The following PTPRR variants were observed in gnomAD, a reference collection of about 807,000 sequenced individuals.
The protein encoded by PTPRR is protein tyrosine phosphatase receptor type R.
In PTPRR, 38 loss-of-function variants were observed where a neutral mutation model predicts 77.2. The ratio of observed to expected loss-of-function variants is 0.49; its 90% CI spans 0.38 to 0.65. The LOEUF (loss-of-function observed/expected upper bound fraction) is 0.65, where lower values mean the gene tolerates loss of function less well. Among genes scored for constraint, PTPRR ranks in the 30% least tolerant of loss-of-function variants. The pLI, the probability that PTPRR is intolerant of heterozygous loss-of-function variation, is 0.00. For synonymous variants in PTPRR, 299 were observed against 283.1 expected (o/e 1.06, Z -0.57); for missense variants, 744 against 799.2 (o/e 0.93, Z 0.83).
intron 8 of PTPRR, among the ~76,000 whole-genome samples, chr12:70,690,634 T>C (rs1888023437): frequency 6.6e-6 from 1 of 152,204 alleles, no homozygotes. Flanking sequence ...ACACATGGCC[T>C]GGACAGAAGT....
intron 5 of PTPRR, among the ~76,000 whole-genome samples, chr12:70,748,317 T>G (rs1212827730): frequency 6.6e-6 from 1 of 152,188 alleles, no homozygotes; most frequent in East Asian, 1.9e-4. Context: ...CTCATGTCCT[T>G]CTTTGAAACC....
chr12:70,897,873 G>A (rs1893459342), intron 1 of PTPRR, among the ~76,000 whole-genome samples: 2 of 151,220 alleles, frequency 1.3e-5, no homozygotes, highest in Admixed American at 1.3e-4. Context: ...GATGAAGCTG[G>A]AAATCATTCT....
Position 70,653,710 on chromosome 12 carries a change from T to G in PTPRR, c.1880+2994A>C, listed in dbSNP as rs4354733. ...TATCATCTTTTCATCCTTACAATAA[T>G]AATAGGAAATATATACTACTATTAC... On this transcript the variant is annotated intron_variant, in intron 13 of 13. Transcript: ENST00000283228. 2.0e-3 allele frequency among the ~76,000 whole-genome samples: 304 copies of G among 152,238 alleles called. 4 individuals carry two copies. Among genetic ancestry groups the G allele is most frequent in the African/African-American group, 6.9e-3 (287 of 41,546 alleles).
intron 6 of PTPRR, among the ~76,000 whole-genome samples, chr12:70,705,670 A>G (rs1440528198): frequency 6.6e-6 from 1 of 152,080 alleles, no homozygotes; most frequent in Non-Finnish European, 1.5e-5. Flanking sequence ...GATTTTAAAG[A>G]TTATAAGAAG....
chr12:70,713,941 C>T (rs1309153319), intron 6 of PTPRR, among the ~76,000 whole-genome samples: 2 of 152,026 alleles, frequency 1.3e-5, no homozygotes, highest in African/African-American at 2.4e-5. Context: ...TTTCTCTGAG[C>T]GTGTTTTGGA....
At chr12:70,859,264 G>A (rs1394084816) in intron 2 of PTPRR, among the ~76,000 whole-genome samples, 1 of 152,044 alleles carries the variant, frequency 6.6e-6, no homozygotes, top group Non-Finnish European at 1.5e-5. Context: ...AATCAGTAGA[G>A]TAGCTTTAAA....
At chr12:70,672,032 G>A in intron 10 of PTPRR, 1 of 1,324,640 alleles carries the variant, frequency 7.5e-7, no homozygotes, top group Non-Finnish European at 1.1e-6. Flanking sequence ...CCACCTGGTG[G>A]GGCCTCACTT....
intron 1 of PTPRR, among the ~76,000 whole-genome samples, chr12:70,895,925 T>C (rs1893419945): frequency 6.6e-6 from 1 of 151,704 alleles, no homozygotes; most frequent in South Asian, 2.1e-4. Flanking sequence ...CCAACAATCA[T>C]AGCTCTTTTC....
Position 70,803,374 on chromosome 12 carries a change from T to C in PTPRR, c.358-38596A>G, listed in dbSNP as rs557277732. On this transcript the variant is annotated intron_variant, in intron 2 of 13. Coordinates refer to ENST00000283228, the MANE Select transcript of PTPRR (RefSeq NM_002849.4). ...AGGGCAATCACCAAAAGAAGCACTC[T>C]TTGGGTTTGTCAATACCAAGTCAAT... Among the ~76,000 whole-genome samples the C allele has an allele frequency of 3.3e-5, 5 of 152,288 alleles. No homozygotes were observed. In the South Asian group the frequency reaches 1.0e-3, roughly 32 times the overall value.
chr12:70,688,780 A>C (rs1592675044), intron 8 of PTPRR, among the ~76,000 whole-genome samples: 1 of 152,182 alleles, frequency 6.6e-6, no homozygotes, highest in African/African-American at 2.4e-5. Context: ...AGGTTTGAAA[A>C]CAACTGGAGT....
intron 2 of PTPRR, among the ~76,000 whole-genome samples, chr12:70,812,303 A>G (rs1230768319): frequency 6.6e-6 from 1 of 152,176 alleles, no homozygotes; most frequent in African/African-American, 2.4e-5. Flanking sequence ...TGAATCATTA[A>G]CATGGGCAGC....
At chr12:70,885,916 A>C (rs1185735434) in intron 2 of PTPRR, among the ~76,000 whole-genome samples, 3 of 152,182 alleles carry the variant, frequency 2.0e-5, no homozygotes, top group African/African-American at 7.2e-5. Flanking sequence ...AATTTTTGGA[A>C]TTAGAACAAA....
At chr12:70,898,708 A>G (rs1893479090) in intron 1 of PTPRR, among the ~76,000 whole-genome samples, 1 of 151,148 alleles carries the variant, frequency 6.6e-6, no homozygotes, top group South Asian at 2.1e-4. Flanking sequence ...AAGAAAAAAG[A>G]GTAAAATAAA....
chr12:70,801,053 AACT>A (rs1036500559), intron 2 of PTPRR, among the ~76,000 whole-genome samples: 2 of 152,212 alleles, frequency 1.3e-5, no homozygotes, highest in African/African-American at 4.8e-5. Flanking sequence ...TTTAAAAAAG[AACT>A]ACTGTAGCAT....
intron 13 of PTPRR, among the ~76,000 whole-genome samples, chr12:70,653,447 G>T (rs1345811615): frequency 3.0e-4 from 45 of 152,168 alleles, no homozygotes; most frequent in Admixed American, 2.9e-3. Flanking sequence ...GTTACATGTG[G>T]GGTGTGGTAA....
chr12:70,881,904 A>G (rs774306868), intron 2 of PTPRR, among the ~76,000 whole-genome samples: 74 of 152,090 alleles, frequency 4.9e-4, no homozygotes, highest in Non-Finnish European at 6.8e-4. Context: ...AGGAAAGGAT[A>G]TTTTCTTTTT....
At chr12:70,666,257 T>C (rs1411745319) in intron 10 of PTPRR, among the ~76,000 whole-genome samples, 1 of 152,206 alleles carries the variant, frequency 6.6e-6, no homozygotes, top group Non-Finnish European at 1.5e-5. Context: ...CCATCTTTGA[T>C]TTCCACACTG....
At chr12:70,716,656 C>G (rs745462582) in intron 6 of PTPRR, among the ~76,000 whole-genome samples, 66 of 152,104 alleles carry the variant, frequency 4.3e-4, no homozygotes, top group Non-Finnish European at 5.7e-4. Flanking sequence ...TCTACCATAT[C>G]AGCTACAAGT....
intron 2 of PTPRR, among the ~76,000 whole-genome samples, chr12:70,765,913 T>G (rs970854176): frequency 2.0e-5 from 3 of 151,992 alleles, no homozygotes; most frequent in African/African-American, 7.3e-5. Flanking sequence ...GGGTCTGGAG[T>G]AGACCTCTAG....
Sources: gnomAD v4.1 joint callset for allele counts (sites outside exome capture counted in the v4.1 genomes callset) on GRCh38, gnomAD v4.1.1 for gene constraint, MANE v1.5 for transcripts, NCBI Gene and HGNC (gene_info 2026-07-23, HGNC 2026-07-21) for gene names.